The following ZFAND3 variants were observed in gnomAD, a reference collection of about 807,000 sequenced individuals.
The protein encoded by ZFAND3 is AN1-type zinc finger protein 3.
Under a neutral mutation model 29.6 loss-of-function variants are expected in ZFAND3, and 10 were observed. The ratio of observed to expected loss-of-function variants is 0.34; its 90% CI spans 0.21 to 0.57. ZFAND3 has a LOEUF of 0.57. ZFAND3 is among the 20% of genes least tolerant of loss of function. ZFAND3 has a pLI of 0.86. For synonymous variants in ZFAND3, 128 were observed against 112.6 expected, an observed-to-expected ratio of 1.14 and a Z score of -0.87; for missense variants, 230 against 304.5, an observed-to-expected ratio of 0.76 and a Z score of 1.82.
At chr6:37,945,531 T>G (rs112679163) in intron 2 of ZFAND3, among the ~76,000 whole-genome samples, 2,306 of 152,188 alleles carry the variant, frequency 0.015, 56 homozygotes, top group African/African-American at 0.05. Flanking sequence ...TGCACCACCA[T>G]GCCCAGCTAA....
intron 2 of ZFAND3, among the ~76,000 whole-genome samples, chr6:38,013,084 A>G (rs1164842445): frequency 1.3e-5 from 2 of 152,246 alleles, no homozygotes; most frequent in African/African-American, 4.8e-5. Context: ...AGAAACAGAA[A>G]GGAAGACTCA....
intron 2 of ZFAND3, among the ~76,000 whole-genome samples, chr6:38,006,223 G>GT (rs1763046195): frequency 6.6e-6 from 1 of 152,130 alleles, no homozygotes; most frequent in Non-Finnish European, 1.5e-5. Context: ...GGGGAAGAAA[G>GT]TGAGTTTAAT....
At chr6:37,831,917 A>C (rs570331418) in intron 1 of ZFAND3, among the ~76,000 whole-genome samples, 3 of 152,316 alleles carry the variant, frequency 2.0e-5, no homozygotes, top group South Asian at 2.1e-4. Context: ...AAGCATTTAA[A>C]GATTTTAAGC....
intron 1 of ZFAND3, among the ~76,000 whole-genome samples, chr6:37,911,179 C>T (rs113264864): frequency 3.3e-5 from 5 of 152,272 alleles, no homozygotes; most frequent in African/African-American, 9.6e-5. Flanking sequence ...TTTTCCCCCA[C>T]GTCCTTGCCA....
chr6:37,900,436 T>C (rs1273060253), intron 1 of ZFAND3, among the ~76,000 whole-genome samples: 1 of 152,224 alleles, frequency 6.6e-6, no homozygotes, highest in Non-Finnish European at 1.5e-5. Flanking sequence ...GCAAACTTCC[T>C]TTTGTGTAGA....
intron 2 of ZFAND3, among the ~76,000 whole-genome samples, chr6:38,043,556 CT>C: frequency 6.7e-6 from 1 of 149,242 alleles, no homozygotes; most frequent in Non-Finnish European, 1.5e-5. Context: ...TCCCCTCTTC[CT>C]CCTTCCCCTC....
intron 2 of ZFAND3, among the ~76,000 whole-genome samples, chr6:38,001,504 G>C (rs1762947552): frequency 6.6e-6 from 1 of 152,196 alleles, no homozygotes; most frequent in Admixed American, 6.5e-5. Flanking sequence ...TTTGCACAGA[G>C]CAGAGCAACA....
rs1021838169 is a variant in ZFAND3 at position 37,883,949 on chromosome 6, G to C, written c.72-46010G>C. Among the ~76,000 whole-genome samples the C allele has an allele frequency of 4.8e-5, 7 of 145,506 alleles. 1 individual carries two copies. The highest frequency in any genetic ancestry group is 1.9e-4 in the African/African-American group (7 of 36,138). ...CTGGGAACCTTTAGCCAGAGTTTCT[G>C]AAGGTTATAGTCATCCTTGGTGGAG... On this transcript the variant is annotated intron_variant, in intron 1 of 5. Transcript: ENST00000287218.
At chr6:38,147,571 A>G (rs1273267531) in intron 5 of ZFAND3, among the ~76,000 whole-genome samples, 1 of 152,222 alleles carries the variant, frequency 6.6e-6, no homozygotes, top group Non-Finnish European at 1.5e-5. Context: ...AGCGGTTTCT[A>G]TAGTGGCTTT....
At chr6:38,036,112 A>C (rs1194152738) in intron 2 of ZFAND3, among the ~76,000 whole-genome samples, 3 of 152,188 alleles carry the variant, frequency 2.0e-5, no homozygotes, top group African/African-American at 4.8e-5. Flanking sequence ...ACAGAATAAT[A>C]TATTCCCTGA....
At position 37,945,395 on chromosome 6, in the gene ZFAND3, T is replaced by C. The variant is rs115819463; in HGVS notation, c.112+15396T>C. On this transcript the variant is annotated intron_variant, in intron 2 of 5. Transcript: ENST00000287218. Reference sequence around the variant, plus strand: ...TGGGAAATTTTGCATTGGAAGATCATTGACATAGTCTTTTTTTCAAGACAG... The same window carrying C: ...TGGGAAATTTTGCATTGGAAGATCACTGACATAGTCTTTTTTTCAAGACAG... Among the ~76,000 whole-genome samples, 388 of 152,314 alleles carry C rather than the reference T, an allele frequency of 2.5e-3. 3 individuals are homozygous for C. The highest frequency in any genetic ancestry group is 9.0e-3 in the African/African-American group (375 of 41,556).
intron 2 of ZFAND3, among the ~76,000 whole-genome samples, chr6:38,039,285 T>C (rs889231744): frequency 2.6e-5 from 4 of 152,234 alleles, no homozygotes; most frequent in African/African-American, 9.6e-5. Context: ...TGAGGGTGTA[T>C]AGAATCTCAG....
intron 2 of ZFAND3, among the ~76,000 whole-genome samples, chr6:38,050,059 A>G (rs895247595): frequency 1.4e-5 from 2 of 143,812 alleles, no homozygotes; most frequent in Non-Finnish European, 3.0e-5. Flanking sequence ...GGTTCAAGCA[A>G]TTATCATGCG....
chr6:37,880,349 G>C (rs1764869210), intron 1 of ZFAND3, among the ~76,000 whole-genome samples: 1 of 152,114 alleles, frequency 6.6e-6, no homozygotes, highest in African/African-American at 2.4e-5. Flanking sequence ...CTTTGTTCTG[G>C]AGCTGAAAAA....
At chr6:37,954,434 G>C (rs1160795599) in intron 2 of ZFAND3, among the ~76,000 whole-genome samples, 1 of 152,034 alleles carries the variant, frequency 6.6e-6, no homozygotes, top group Non-Finnish European at 1.5e-5. Context: ...CTAATCATCT[G>C]CAATTTCTAA....
At position 37,848,236 on chromosome 6, in the gene ZFAND3, G is replaced by A. The variant is rs541056921; in HGVS notation, c.71+28220G>A. ...GTTTTATTTTGTTCTAACATGCTGA[G>A]TTTGACTAGTCCATTGTATTTGGCA... is the stretch of plus-strand genomic sequence containing the variant. On this transcript the variant is annotated intron_variant, in intron 1 of 5. Coordinates refer to ENST00000287218, the MANE Select transcript of ZFAND3 (RefSeq NM_021943.3). Among the ~76,000 whole-genome samples the A allele has an allele frequency of 8.5e-5, 13 of 152,364 alleles. No individual in the cohort carries two copies. In the South Asian group the frequency reaches 2.7e-3, roughly 32 times the overall value.
At chr6:37,964,094 T>A (rs775589953) in intron 2 of ZFAND3, among the ~76,000 whole-genome samples, 27 of 152,206 alleles carry the variant, frequency 1.8e-4, no homozygotes, top group Non-Finnish European at 3.4e-4. Flanking sequence ...TTCCTTGTCC[T>A]CCCTTCTCCT....
At chr6:37,908,503 A>G (rs1249780990) in intron 1 of ZFAND3, among the ~76,000 whole-genome samples, 1 of 149,642 alleles carries the variant, frequency 6.7e-6, no homozygotes, top group Non-Finnish European at 1.5e-5. Context: ...CAATGTGCAC[A>G]TGTACCCTAA....
At chr6:38,078,875 G>C (rs1764604157) in intron 3 of ZFAND3, among the ~76,000 whole-genome samples, 1 of 152,140 alleles carries the variant, frequency 6.6e-6, no homozygotes, top group Admixed American at 6.5e-5. Flanking sequence ...TGAGTCATGG[G>C]GACTTACGCC....
Sources: gnomAD v4.1 joint callset for allele counts (sites outside exome capture counted in the v4.1 genomes callset) on GRCh38, gnomAD v4.1.1 for gene constraint, MANE v1.5 for transcripts, NCBI Gene and HGNC (gene_info 2026-07-23, HGNC 2026-07-21) for gene names.